Variants in MAPKAPK2 observed in about 807,000 individuals in gnomAD.
The protein encoded by MAPKAPK2 is MAPK activated protein kinase 2, also known as MAP kinase-activated protein kinase 2.
A neutral mutation model predicts 48.8 loss-of-function variants in MAPKAPK2; 9 were observed. The ratio of observed to expected loss-of-function variants is 0.18; its 90% confidence interval spans 0.11 to 0.32. The LOEUF is 0.32. Among genes scored for constraint, MAPKAPK2 ranks in the 10% least tolerant of loss-of-function variants. The probability of loss-of-function intolerance (pLI) is 1.00; values close to 1 mark genes in which losing one functional copy is unlikely to be tolerated. For synonymous variants in MAPKAPK2, 202 were observed against 190.6 expected (o/e 1.06, Z -0.49); for missense variants, 331 against 498.3 (o/e 0.66, Z 3.20).
At chr1:206,701,508 G>A (rs1287572680) in intron 1 of MAPKAPK2, among the ~76,000 whole-genome samples, 1 of 152,018 alleles carries the variant, frequency 6.6e-6, no homozygotes, top group Non-Finnish European at 1.5e-5. Context: ...GCAAGTAGAA[G>A]GTATTCATTT....
chr1:206,691,093 A>C (rs1272646606), intron 1 of MAPKAPK2, among the ~76,000 whole-genome samples: 1 of 151,818 alleles, frequency 6.6e-6, no homozygotes, highest in Non-Finnish European at 1.5e-5. Context: ...TAGAACCCAC[A>C]CTCCCTGGTC....
chr1:206,716,603 A>C (rs556660075), intron 1 of MAPKAPK2, among the ~76,000 whole-genome samples: 8 of 152,038 alleles, frequency 5.3e-5, no homozygotes, highest in Non-Finnish European at 8.8e-5. Context: ...CGTTGCTGTG[A>C]GTCTCATTCT....
intron 1 of MAPKAPK2, among the ~76,000 whole-genome samples, chr1:206,727,542 T>C (rs925702759): frequency 1.4e-4 from 22 of 152,194 alleles, no homozygotes; most frequent in African/African-American, 5.3e-4. Flanking sequence ...CTGGTAATAA[T>C]GTGACTGTCA....
intron 1 of MAPKAPK2, among the ~76,000 whole-genome samples, chr1:206,727,825 G>T (rs560115194): frequency 6.6e-6 from 1 of 152,094 alleles, no homozygotes; most frequent in African/African-American, 2.4e-5. Flanking sequence ...GGGTTTCACC[G>T]TGTTAGCCAG....
intron 1 of MAPKAPK2, among the ~76,000 whole-genome samples, chr1:206,724,804 G>A (rs1407863301): frequency 6.6e-6 from 1 of 152,158 alleles, no homozygotes; most frequent in Non-Finnish European, 1.5e-5. Context: ...AGGGAAGGAA[G>A]AGGGGAGGGA....
At position 206,730,169 on chromosome 1, in the gene MAPKAPK2, T is replaced by TG. The variant is rs1673857061; in HGVS notation, c.691+77dup. The stretch of plus-strand genomic sequence containing the variant: ...TTCTCAGCCCCTCCTCTTGGCTATC[T>TG]GGGGGGCCGCAAATCCTAGGAGAGT... On this transcript the variant is annotated intron_variant, in intron 5 of 9. Coordinates refer to ENST00000367103, the MANE Select transcript of MAPKAPK2 (RefSeq NM_032960.4). The TG allele has an allele frequency of 3.3e-5, 52 of 1,581,980 alleles. No individual in the cohort carries two copies. In the South Asian group the frequency reaches 5.8e-4, roughly 18 times the overall value.
Position 206,715,876 on chromosome 1 carries a change from C to G in MAPKAPK2, c.280-12834C>G, listed in dbSNP as rs377172402. Among the ~76,000 whole-genome samples the G allele has an allele frequency of 1.3e-4, 20 of 152,024 alleles. 1 individual carries two copies. Among genetic ancestry groups the G allele is most frequent in the African/African-American group, 4.1e-4 (17 of 41,502 alleles). ...CTCCTCCTTCTCCTTTTTGTATCCT[C>G]TTAGTCATCAAGCCATCCTCCTGCC... On this transcript the variant is annotated intron_variant, in intron 1 of 9. Coordinates refer to ENST00000367103, the MANE Select transcript of MAPKAPK2 (RefSeq NM_032960.4).
intron 1 of MAPKAPK2, chr1:206,696,061 T>G: frequency 4.2e-6 from 4 of 959,990 alleles, no homozygotes; most frequent in Non-Finnish European, 6.9e-6. Context: ...CAGCATGTGG[T>G]GAGGATTCAT....
Position 206,732,628 on chromosome 1 carries a change from G to A in MAPKAPK2, c.1113G>A (p.Lys371=). The A allele has an allele frequency of 6.2e-7, 1 of 1,614,180 alleles. No homozygotes were observed. The highest frequency in any genetic ancestry group is 1.7e-5 in the Admixed American group (1 of 60,028). Reference sequence around the variant, plus strand: ...TGCGCGTTGACTACGAGCAGATCAAGATAAAAAAGATTGAAGATGCATCCA... The same window carrying A: ...TGCGCGTTGACTACGAGCAGATCAAAATAAAAAAGATTGAAGATGCATCCA... ...ATMRVDYEQI[K]IKKIEDASNP... The change falls in exon 10 of 10, where the codon AAG becomes AAA. Residue 371 remains lysine, a synonymous_variant. Coordinates refer to ENST00000367103, the MANE Select transcript of MAPKAPK2 (RefSeq NM_032960.4). The surrounding 1 kb of genome is among the most constrained non-coding windows in gnomAD (Gnocchi z 4.4).
chr1:206,712,690 T>C lies in MAPKAPK2; in HGVS notation c.280-16020T>C, dbSNP rs189471782. Reference sequence around the variant, plus strand: ...AATACTAGGCAAAGCCAGTCTGGTGTGGTGGCTCATGCCTGCTGTAATCCC... The same window carrying C: ...AATACTAGGCAAAGCCAGTCTGGTGCGGTGGCTCATGCCTGCTGTAATCCC... On this transcript the variant is annotated intron_variant, in intron 1 of 9. Transcript: ENST00000367103. 2.4e-3 allele frequency among the ~76,000 whole-genome samples: 363 copies of C among 152,164 alleles called. 1 individual carries two copies. The highest frequency in any genetic ancestry group is 3.7e-3 in the Non-Finnish European group (254 of 67,998).
chr1:206,732,847 C>A lies in MAPKAPK2; in HGVS notation c.*129C>A. ...CTCAGCTGCATGGAGCCTGGAACTG[C>A]ATCAGTGACTGAATTCTGCCTTGGT... On this transcript the variant is annotated 3_prime_UTR_variant, in exon 10 of 10. Transcript: ENST00000367103. This position sits in a 1 kb window ranked among gnomAD's most constrained non-coding sequence, Gnocchi z 4.4. The A allele has an allele frequency of 1.8e-6, 2 of 1,100,604 alleles. No homozygotes were observed. Among genetic ancestry groups the A allele is most frequent in the Non-Finnish European group, 2.5e-6 (2 of 784,422 alleles). 68.2% of individuals were successfully genotyped at this position (1,100,604 alleles called of 1,614,324 possible). A position where few individuals can be genotyped will look rare whatever the true frequency, so the allele number is the denominator to read the frequency against.
At chr1:206,692,874 C>A (rs930966566) in intron 1 of MAPKAPK2, among the ~76,000 whole-genome samples, 1 of 152,106 alleles carries the variant, frequency 6.6e-6, no homozygotes, top group Non-Finnish European at 1.5e-5. Flanking sequence ...TAGTGGCCAC[C>A]CGATGGGAGC....
At position 206,730,741 on chromosome 1, in the gene MAPKAPK2, C is replaced by T. The variant is rs1553432510; in HGVS notation, c.745C>T (p.Leu249=). Residue 249 remains leucine (L), a synonymous_variant, in exon 6 of 10, where the codon CTG becomes TTG. Coordinates refer to ENST00000367103, the MANE Select transcript of MAPKAPK2 (RefSeq NM_032960.4). ...TGACAAGTCCTGTGACATGTGGTCC[C>T]TGGGTGTCATCATGTACATCCTGTG... ...KYDKSCDMWS[L]GVIMYILLCG... is the part of the protein sequence containing the mutation. 2 of 1,368,692 alleles carry T rather than the reference C, an allele frequency of 1.5e-6. No homozygotes were observed. The highest frequency in any genetic ancestry group is 2.0e-6 in the Non-Finnish European group (2 of 1,022,996). 84.8% of individuals were successfully genotyped at this position (1,368,692 alleles called of 1,614,324 possible). A position where few individuals can be genotyped will look rare whatever the true frequency, so the allele number is the denominator to read the frequency against.
chr1:206,685,324 CGG>C lies in MAPKAPK2; in HGVS notation c.96_97del (p.Gln34AlafsTer28). On this transcript the variant is annotated frameshift_variant, in exon 1 of 10. Transcript: ENST00000367103. LOFTEE classifies it high-confidence loss of function. ...CCCACCCCTGCCCTGCCGCACCCCC[CGG>C]CGCAGCCGCCGCCGCCGCCCCCGCA... 2.1e-6 allele frequency: 3 copies of C among 1,423,378 alleles called. No individual in the cohort carries two copies. Among genetic ancestry groups the C allele is most frequent in the Non-Finnish European group, 1.9e-6 (2 of 1,071,124 alleles). 88.2% of individuals were successfully genotyped at this position (1,423,378 alleles called of 1,614,324 possible).
At chr1:206,717,091 C>T (rs563279470) in intron 1 of MAPKAPK2, among the ~76,000 whole-genome samples, 4 of 152,290 alleles carry the variant, frequency 2.6e-5, no homozygotes, top group East Asian at 3.9e-4. Context: ...GAGAGGCCAG[C>T]GGTAAACTAA....
At chr1:206,724,263 T>C (rs978273695) in intron 1 of MAPKAPK2, among the ~76,000 whole-genome samples, 26 of 152,218 alleles carry the variant, frequency 1.7e-4, no homozygotes, top group African/African-American at 4.6e-4. Context: ...CTAGGAGTCC[T>C]GCTTTCCTTC....
At position 206,731,078 on chromosome 1, in the gene MAPKAPK2, G is replaced by C; in HGVS notation, c.768-60G>C. 4 of 1,608,066 alleles carry C rather than the reference G, an allele frequency of 2.5e-6. No homozygotes were observed. The highest frequency in any genetic ancestry group is 3.4e-6 in the Non-Finnish European group (4 of 1,174,570). On this transcript the variant is annotated intron_variant, in intron 6 of 9. Coordinates refer to ENST00000367103, the MANE Select transcript of MAPKAPK2 (RefSeq NM_032960.4). This position sits in a 1 kb window ranked among gnomAD's most constrained non-coding sequence, Gnocchi z 5.9. ...GAGCCTGTTTCTCATCCTGTTCCTG[G>C]TACAGGGCCACTAAGTGACAGCTGT...
intron 1 of MAPKAPK2, among the ~76,000 whole-genome samples, chr1:206,700,387 C>T (rs1440620627): frequency 2.0e-5 from 3 of 152,192 alleles, no homozygotes; most frequent in Non-Finnish European, 4.4e-5. Flanking sequence ...TCCTGATTCC[C>T]ACCTGGCATT....
At chr1:206,728,903 G>T in intron 2 of MAPKAPK2, 54 bp downstream of exon 2, 1 of 1,612,044 alleles carries the variant, frequency 6.2e-7, no homozygotes, top group Non-Finnish European at 8.5e-7. Context: ...CCTCACTCAG[G>T]CACCTTACCC....
Sources: gnomAD v4.1 joint callset for allele counts (sites outside exome capture counted in the v4.1 genomes callset) on GRCh38, gnomAD v4.1.1 for gene constraint, Gnocchi (gnomAD v3.1) non-coding constraint, MANE v1.5 for transcripts, NCBI Gene and HGNC (gene_info 2026-07-23, HGNC 2026-07-21) for gene names.